The following TCF7L2 variants were observed in gnomAD, a reference collection of about 807,000 sequenced individuals.
The protein encoded by TCF7L2 is transcription factor 7-like 2.
TCF7L2 carries 23 observed loss-of-function variants against 77.9 expected under a neutral mutation model. That is an observed-to-expected ratio of 0.30 (90% CI 0.21 to 0.42). The LOEUF is 0.42. TCF7L2 is among the 10% of genes least tolerant of loss of function. The pLI is 1.00. For synonymous variants in TCF7L2, 413 were observed against 340.2 expected (o/e 1.21, Z -2.36); for missense variants, 654 against 793.1 (o/e 0.82, Z 2.11).
chr10:113,034,852 C>A (rs116389394), intron 4 of TCF7L2, among the ~76,000 whole-genome samples: 1 of 152,168 alleles, frequency 6.6e-6, no homozygotes, highest in East Asian at 1.9e-4. Context: ...GTCGAGCTTG[C>A]GTCACTGCAC....
intron 4 of TCF7L2, 112 bp downstream of exon 4, chr10:112,964,736 ATGATGGTGGTGGTGGTGGTGG>A (rs1564718764): frequency 1.2e-5 from 9 of 733,290 alleles, no homozygotes; most frequent in Admixed American, 2.6e-5. Flanking sequence ...GATGATGATG[ATGATGGTGGTGGTGGTGGTGG>A]TGATGGTGGT....
At chr10:113,033,113 C>T (rs1387110874) in intron 4 of TCF7L2, among the ~76,000 whole-genome samples, 1 of 152,036 alleles carries the variant, frequency 6.6e-6, no homozygotes, top group African/African-American at 2.4e-5. Context: ...CCAAGTCAAC[C>T]TTAATATCTT....
At chr10:113,102,111 CAAAAAAAAAAAAAAAAAA>C (rs139047649) in intron 5 of TCF7L2, among the ~76,000 whole-genome samples, 7 of 71,748 alleles carry the variant, frequency 9.8e-5, no homozygotes, top group East Asian at 1.2e-3. Flanking sequence ...GTGACTCCAT[CAAAAAAAAAAAAAAAAAA>C]AAAAAAAAAA....
At chr10:112,969,587 T>C (rs1174965148) in intron 4 of TCF7L2, among the ~76,000 whole-genome samples, 5 of 152,230 alleles carry the variant, frequency 3.3e-5, no homozygotes, top group Admixed American at 6.5e-5. Flanking sequence ...GATTTGAGTA[T>C]TGTCATTGCA....
At chr10:112,986,382 G>C (rs528018302) in intron 4 of TCF7L2, among the ~76,000 whole-genome samples, 1 of 152,248 alleles carries the variant, frequency 6.6e-6, no homozygotes, top group South Asian at 2.1e-4. Flanking sequence ...GCAGTGAGTT[G>C]ATTGCTTACA....
At chr10:113,101,856 A>AAAAAAAAAAAT (rs1564896033) in intron 5 of TCF7L2, among the ~76,000 whole-genome samples, 2 of 143,382 alleles carry the variant, frequency 1.4e-5, no homozygotes, top group Non-Finnish European at 3.0e-5. Flanking sequence ...AAAAAAAAAA[A>AAAAAAAAAAAT]AGAGAGGTGT....
At position 113,166,581 on chromosome 10, in the gene TCF7L2, G is replaced by C. The variant is rs1333942119; in HGVS notation, c.*609G>C. On this transcript the variant is annotated 3_prime_UTR_variant, in exon 14 of 14. Transcript: ENST00000627217. ...CATGGTGTTGTTCTTTTGGGGGGAGGGGACGCTACTCAACACTTAATAGAA... is the reference window on the plus strand; with the variant it reads ...CATGGTGTTGTTCTTTTGGGGGGAGCGGACGCTACTCAACACTTAATAGAA... The C allele has an allele frequency of 4.4e-6, 1 of 228,042 alleles. No individual in the cohort carries two copies. Among genetic ancestry groups the C allele is most frequent in the Non-Finnish European group, 8.7e-6 (1 of 115,034 alleles). The allele number at this position is 228,042 out of a possible 1,614,324, so 14.1% of individuals were successfully genotyped here.
chr10:113,058,376 C>G (rs2055775398), intron 5 of TCF7L2, among the ~76,000 whole-genome samples: 2 of 152,044 alleles, frequency 1.3e-5, no homozygotes, highest in Admixed American at 1.3e-4. Context: ...CAATTCTAAA[C>G]AAAGAGTCTG....
At chr10:113,115,437 A>G (rs1226873638) in intron 5 of TCF7L2, among the ~76,000 whole-genome samples, 1 of 152,242 alleles carries the variant, frequency 6.6e-6, no homozygotes, top group Non-Finnish European at 1.5e-5. Flanking sequence ...TTTCTCTTAC[A>G]GAAAGATGAT....
At chr10:113,073,503 C>CAAAAAAA (rs35730806) in intron 5 of TCF7L2, among the ~76,000 whole-genome samples, 4 of 43,966 alleles carry the variant, frequency 9.1e-5, no homozygotes, top group African/African-American at 1.9e-4. Flanking sequence ...CGGTCTCTAC[C>CAAAAAAA]AAAAAAAAAA....
chr10:113,133,898 G>GC (rs1470867042), intron 5 of TCF7L2, among the ~76,000 whole-genome samples: 1 of 152,190 alleles, frequency 6.6e-6, no homozygotes, highest in East Asian at 1.9e-4. Flanking sequence ...TCTGCAGCCT[G>GC]CGGGGGTAGG....
At chr10:113,156,315 C>A (rs2071883894) in intron 11 of TCF7L2, among the ~76,000 whole-genome samples, 1 of 152,254 alleles carries the variant, frequency 6.6e-6, no homozygotes, top group Non-Finnish European at 1.5e-5. Context: ...GGGGTTTCAC[C>A]ATGTTGGCCA....
intron 4 of TCF7L2, among the ~76,000 whole-genome samples, chr10:112,973,087 C>T (rs2134964600): frequency 6.6e-6 from 1 of 152,254 alleles, no homozygotes; most frequent in African/African-American, 2.4e-5. Flanking sequence ...AGTACAGAAT[C>T]CTGGGTTCTA....
At chr10:113,004,669 TTC>T (rs1345627560) in intron 4 of TCF7L2, among the ~76,000 whole-genome samples, 3 of 152,086 alleles carry the variant, frequency 2.0e-5, no homozygotes, top group Non-Finnish European at 2.9e-5. Context: ...AGGGTTCCAT[TTC>T]TTTTTTATTT....
chr10:113,160,753 C>A (rs17130196), intron 13 of TCF7L2: 1 of 1,460,226 alleles, frequency 6.8e-7, no homozygotes, highest in Non-Finnish European at 9.3e-7. Context: ...GGTACCTTAG[C>A]GTGATAATTT....
At chr10:113,160,584 G>T in intron 12 of TCF7L2, 1 of 1,560,162 alleles carries the variant, frequency 6.4e-7, no homozygotes, top group Non-Finnish European at 8.7e-7. Flanking sequence ...ACCCACCATT[G>T]TGTTGTATTT....
intron 5 of TCF7L2, among the ~76,000 whole-genome samples, chr10:113,091,934 C>T (rs1028063662): frequency 5.3e-5 from 8 of 152,140 alleles, no homozygotes; most frequent in African/African-American, 1.9e-4. Flanking sequence ...TTTCAGTAGC[C>T]TCTCACTGGT....
intron 4 of TCF7L2, among the ~76,000 whole-genome samples, chr10:113,026,847 G>A (rs147243131): frequency 2.7e-4 from 41 of 152,320 alleles, no homozygotes; most frequent in Middle Eastern, 3.4e-3. Flanking sequence ...TATTAATAGC[G>A]CAGACCTTTT....
chr10:113,058,644 G>T (rs1338307672), intron 5 of TCF7L2, among the ~76,000 whole-genome samples: 1 of 152,036 alleles, frequency 6.6e-6, no homozygotes, highest in Non-Finnish European at 1.5e-5. Context: ...GATCCATGTG[G>T]CTTTCCTGTG....
Sources: gnomAD v4.1 joint callset for allele counts (sites outside exome capture counted in the v4.1 genomes callset) on GRCh38, gnomAD v4.1.1 for gene constraint, MANE v1.5 for transcripts, NCBI Gene and HGNC (gene_info 2026-07-23, HGNC 2026-07-21) for gene names.